Variants in NOMO1 observed in about 807,000 individuals in gnomAD.
NOMO1 encodes NODAL modulator 1.
A neutral mutation model predicts 133.8 loss-of-function variants in NOMO1; 40 were observed. That is an observed-to-expected ratio of 0.30 (90% CI 0.23 to 0.39). The LOEUF (loss-of-function observed/expected upper bound fraction) is 0.39. Among genes scored for constraint, NOMO1 ranks in the 10% least tolerant of loss-of-function variants. The pLI is 1.00. For missense variants in NOMO1, 462 were observed against 1,419.9 expected, an observed-to-expected ratio of 0.33 and a Z score of 10.84; for synonymous variants, 236 against 570.5, an observed-to-expected ratio of 0.41 and a Z score of 8.36.
intron 18 of NOMO1, among the ~76,000 whole-genome samples, chr16:14,874,035 C>G (rs550832693): frequency 3.5e-4 from 15 of 42,348 alleles, no homozygotes; most frequent in Non-Finnish European, 7.3e-4. Context: ...GTCTGACCCC[C>G]CTCTGGGGTC....
chr16:14,845,482 C>G (rs1386427677), intron 4 of NOMO1, among the ~76,000 whole-genome samples: 2 of 152,064 alleles, frequency 1.3e-5, no homozygotes, highest in African/African-American at 2.4e-5. Flanking sequence ...GCTTCTGACA[C>G]TTACCTAGGA....
chr16:14,877,459 C>T (rs908255626), intron 22 of NOMO1, among the ~76,000 whole-genome samples: 2 of 148,722 alleles, frequency 1.3e-5, no homozygotes, highest in African/African-American at 5.0e-5. Context: ...ATTTAAAATT[C>T]TATATTGCTG....
intron 24 of NOMO1, 146 bp from the exon 25 acceptor site, chr16:14,881,398 G>A (rs1163350816): frequency 1.8e-5 from 28 of 1,579,958 alleles, no homozygotes; most frequent in Non-Finnish European, 2.4e-5. Context: ...TTTGGAAGTG[G>A]GCCGGCCACA....
intron 6 of NOMO1, among the ~76,000 whole-genome samples, chr16:14,850,879 T>C (rs2606841): frequency 2.9e-4 from 44 of 151,320 alleles, no homozygotes; most frequent in Non-Finnish European, 4.6e-4. Context: ...GTCAGGAGTT[T>C]GAGACCAACC....
chr16:14,883,271 C>T (rs1205371905), intron 26 of NOMO1, among the ~76,000 whole-genome samples: 4 of 151,526 alleles, frequency 2.6e-5, no homozygotes, highest in Non-Finnish European at 5.9e-5. Context: ...TAGGTGGCTT[C>T]ATTATGCATG....
rs961653679 is a variant in NOMO1 at position 14,855,732 on chromosome 16, G to A, written c.964-1485G>A. Reference sequence around the variant, plus strand: ...ACAGCCAAATACATATTTTGAAAATGATGAATGGAATTTCAGGGAATGGGG... The same window carrying A: ...ACAGCCAAATACATATTTTGAAAATAATGAATGGAATTTCAGGGAATGGGG... On this transcript the variant is annotated intron_variant, in intron 9 of 30. Transcript: ENST00000287667. 1.2e-3 allele frequency among the ~76,000 whole-genome samples: 181 copies of A among 152,154 alleles called. 2 individuals carry two copies. Among genetic ancestry groups the A allele is most frequent in the Middle Eastern group, 3.4e-3 (1 of 294 alleles).
rs764851322 is a variant in NOMO1, at chr16:14,884,415, G to A, written c.3155G>A (p.Arg1052Gln). The change falls in exon 27 of 31, where the codon CGG (arginine) becomes CAG (glutamine). Residue 1052 changes from arginine to glutamine, a missense_variant. By Grantham distance (43) the Arg-to-Gln change is conservative (BLOSUM62 1). Transcript: ENST00000287667. ...GATGATGTAAACATCATAGTTTTCC[G>A]GCAGATTAATCAATTTGATTTAAGT... ...DIDDVNIIVF[R>Q]QINQFDLSGN... The A allele has an allele frequency of 2.4e-5, 38 of 1,610,784 alleles. No homozygotes were observed. Among genetic ancestry groups the A allele is most frequent in the Admixed American group, 1.7e-5 (1 of 59,906 alleles).
intron 26 of NOMO1, among the ~76,000 whole-genome samples, chr16:14,883,201 C>T (rs1285809708): frequency 6.6e-6 from 1 of 151,950 alleles, no homozygotes; most frequent in African/African-American, 2.4e-5. Flanking sequence ...GAGTAACTCT[C>T]ATTGGGAAGA....
In NOMO1 at chr16:14,853,468, A is replaced by T. The variant is rs1456459455; in HGVS notation, c.737A>T (p.Asp246Val). 1 of 1,570,446 alleles carries T rather than the reference A, an allele frequency of 6.4e-7. No homozygotes were observed. The change falls in exon 8 of 31, where the codon GAT becomes GTT. Residue 246 changes from aspartate to valine, a missense_variant and splice_region_variant. Transcript: ENST00000287667. Reference sequence around the variant, plus strand: ...TGTCTTTTTTACCCCCTGGCATAGGATGTCCTGGGCTGCAATGTCTCACCA... The same window carrying T: ...TGTCTTTTTTACCCCCTGGCATAGGTTGTCCTGGGCTGCAATGTCTCACCA... ...LLFSSLVTKE[D>V]VLGCNVSPVP...
chr16:14,859,079 A>C (rs1963884741), intron 11 of NOMO1, among the ~76,000 whole-genome samples: 1 of 151,998 alleles, frequency 6.6e-6, no homozygotes, highest in Non-Finnish European at 1.5e-5. Context: ...CAGGACCTCA[A>C]ATATGTATGT....
intron 27 of NOMO1, among the ~76,000 whole-genome samples, chr16:14,885,629 G>T (rs1358138299): frequency 7.1e-6 from 1 of 140,992 alleles, no homozygotes; most frequent in Non-Finnish European, 1.6e-5. Context: ...GACCAGGCAG[G>T]TAATGTCAGA....
chr16:14,842,908 A>G (rs1466794073), intron 3 of NOMO1, among the ~76,000 whole-genome samples: 1 of 150,800 alleles, frequency 6.6e-6, no homozygotes, highest in East Asian at 1.9e-4. Context: ...TTTATATTTT[A>G]TAAAATATTT....
At chr16:14,873,998 C>G (rs1300392462) in intron 18 of NOMO1, among the ~76,000 whole-genome samples, 1 of 150,490 alleles carries the variant, frequency 6.6e-6, no homozygotes, top group Non-Finnish European at 1.5e-5. Context: ...CATCTAGTCC[C>G]TTTTTACCAC....
intron 1 of NOMO1, among the ~76,000 whole-genome samples, chr16:14,835,202 C>A (rs1963486330): frequency 6.8e-6 from 1 of 146,792 alleles, no homozygotes; most frequent in African/African-American, 2.5e-5. Flanking sequence ...CCAGCAGATA[C>A]ATTTCTTTAA....
intron 18 of NOMO1, 55 bp from the exon 19 acceptor site, chr16:14,874,981 T>C (rs1964132480): frequency 3.7e-6 from 6 of 1,612,412 alleles, no homozygotes; most frequent in Middle Eastern, 1.6e-4. Context: ...AAAGGTCAAA[T>C]TCCCACTGAC....
intron 4 of NOMO1, among the ~76,000 whole-genome samples, chr16:14,846,139 G>T (rs1164162008): frequency 1.4e-5 from 2 of 143,170 alleles, no homozygotes; most frequent in Non-Finnish European, 1.5e-5. Context: ...TGATTCTCCT[G>T]CCTCAGCCTC....
chr16:14,855,589 C>T (rs1220115438), intron 9 of NOMO1, among the ~76,000 whole-genome samples: 7 of 152,016 alleles, frequency 4.6e-5, no homozygotes, highest in South Asian at 4.2e-4. Flanking sequence ...AGTGTTTGAC[C>T]GTTCTGCTGT....
chr16:14,839,578 A>T (rs1270472976), intron 2 of NOMO1, among the ~76,000 whole-genome samples: 1 of 150,480 alleles, frequency 6.6e-6, no homozygotes, highest in African/African-American at 2.4e-5. Flanking sequence ...GTCAATACAC[A>T]TAGTTTTGAT....
intron 22 of NOMO1, among the ~76,000 whole-genome samples, chr16:14,877,465 T>G (rs1964178643): frequency 6.7e-6 from 1 of 149,662 alleles, no homozygotes; most frequent in Non-Finnish European, 1.5e-5. Flanking sequence ...AATTCTATAT[T>G]GCTGAATACA....
Sources: gnomAD v4.1 joint callset for allele counts (sites outside exome capture counted in the v4.1 genomes callset) on GRCh38, gnomAD v4.1.1 for gene constraint, MANE v1.5 for transcripts, NCBI Gene and HGNC (gene_info 2026-07-23, HGNC 2026-07-21) for gene names.